The following NAV1 variants were observed in gnomAD, a reference collection of about 807,000 sequenced individuals.
NAV1 encodes neuron navigator 1, also known as pore membrane and/or filament interacting like protein 3.
A neutral mutation model predicts 175.2 loss-of-function variants in NAV1; 18 were observed. The observed-to-expected ratio is 0.10, with a 90% confidence interval of 0.07 to 0.15. The LOEUF (loss-of-function observed/expected upper bound fraction) is 0.15, where lower values mean the gene tolerates loss of function less well. Ranked by LOEUF, NAV1 falls within the 10% of genes least tolerant of loss-of-function variation. The probability of loss-of-function intolerance (pLI) is 1.00; values close to 1 mark genes in which losing one functional copy is unlikely to be tolerated. For missense variants in NAV1, 1,731 were observed against 2,436.6 expected (o/e 0.71, Z 6.10); for synonymous variants, 897 against 978.7 (o/e 0.92, Z 1.56).
At position 201,812,664 on chromosome 1, in the gene NAV1, ACTGGGGTCCAGCTTCCC is replaced by A; in HGVS notation, c.5221+5_5221+21del. On this transcript the variant is annotated splice_donor_5th_base_variant and intron_variant, in intron 27 of 29. Transcript: ENST00000367296. This position sits in a 1 kb window ranked among gnomAD's most constrained non-coding sequence, Gnocchi z 4.6. Reference sequence around the variant, plus strand: ...CAGCACCTCAGACTTCCTCATCGGTACTGGGGTCCAGCTTCCCCCGGGGGTCAGGAGGTGGCTTCCCT... The same window carrying A: ...CAGCACCTCAGACTTCCTCATCGGTACCGGGGGTCAGGAGGTGGCTTCCCT... The A allele has an allele frequency of 6.2e-7, 1 of 1,611,830 alleles. No homozygotes were observed. The highest frequency in any genetic ancestry group is 8.5e-7 in the Non-Finnish European group (1 of 1,178,954).
chr1:201,547,020 C>T (rs1665694653), intron 1 of NAV1, among the ~76,000 whole-genome samples: 1 of 147,098 alleles, frequency 6.8e-6, no homozygotes, highest in African/African-American at 2.5e-5. Context: ...GAGTTTCGCT[C>T]TTGTTGCCCA....
intron 1 of NAV1, among the ~76,000 whole-genome samples, chr1:201,666,352 C>CAA (rs59540541): frequency 4.8e-5 from 7 of 144,658 alleles, no homozygotes; most frequent in African/African-American, 1.0e-4. Context: ...TCCCTCCTTA[C>CAA]AAAAAAAAAA....
At chr1:201,652,114 G>T (rs1449518320) in intron 1 of NAV1, among the ~76,000 whole-genome samples, 1 of 152,000 alleles carries the variant, frequency 6.6e-6, no homozygotes, top group African/African-American at 2.4e-5. Context: ...GGAGAAGAAT[G>T]GTGACTTGAT....
intron 3 of NAV1, among the ~76,000 whole-genome samples, chr1:201,734,793 C>A (rs1450663720): frequency 6.6e-6 from 1 of 152,082 alleles, no homozygotes; most frequent in Non-Finnish European, 1.5e-5. Context: ...AGCCCCTCTC[C>A]CCTACCCCTT....
At chr1:201,781,235 A>G in exon 5 of NAV1, 1 of 1,613,982 alleles carries the variant, frequency 6.2e-7, no homozygotes, top group Non-Finnish European at 8.5e-7. Flanking sequence ...GGTTCCCTGA[A>G]GAAGGGCAAG....
At position 201,718,814 on chromosome 1, in the gene NAV1, G is replaced by A. The variant is rs1291729529; in HGVS notation, c.1226+59G>A. 8.4e-6 allele frequency: 13 copies of A among 1,547,250 alleles called. No homozygotes were observed. In the South Asian group the frequency reaches 1.4e-4, roughly 16 times the overall value. On this transcript the variant is annotated intron_variant, in intron 3 of 29. Coordinates refer to ENST00000367296, the Ensembl canonical transcript of NAV1. The surrounding 1 kb of genome is among the most constrained non-coding windows in gnomAD (Gnocchi z 4.8). ...GATGGTGGAAAGACCACTGGGATGCGACGCCTTAAAAGTGGAGTGGAACCC... is the reference window on the plus strand; with the variant it reads ...GATGGTGGAAAGACCACTGGGATGCAACGCCTTAAAAGTGGAGTGGAACCC...
intron 2 of NAV1, among the ~76,000 whole-genome samples, chr1:201,589,381 T>C (rs1667126217): frequency 6.6e-6 from 1 of 152,204 alleles, no homozygotes; most frequent in African/African-American, 2.4e-5. Context: ...ATCCATAAAA[T>C]GGGGATAGTA....
intron 1 of NAV1, among the ~76,000 whole-genome samples, chr1:201,543,808 A>G (rs1665587148): frequency 6.6e-6 from 1 of 152,210 alleles, no homozygotes; most frequent in African/African-American, 2.4e-5. Flanking sequence ...CTCTGTACTC[A>G]TTAAAGAGTA....
Position 201,677,267 on chromosome 1 carries a change from A to AAG in NAV1, c.757+27843_757+27844insGA, listed in dbSNP as rs748542389. Among the ~76,000 whole-genome samples, 1,200 of 151,394 alleles carry AAG rather than the reference A, an allele frequency of 7.9e-3. 8 individuals are homozygous for AAG. Among genetic ancestry groups the AAG allele is most frequent in the Non-Finnish European group, 0.013 (873 of 67,768 alleles). On this transcript the variant is annotated intron_variant, in intron 1 of 29. Coordinates refer to ENST00000367296, the Ensembl canonical transcript of NAV1. The stretch of plus-strand genomic sequence containing the variant: ...CTCCATCTCAAAAAAAAAAAAAAAA[A>AAG]AAGAATTGCTGGCGGCTGGCATCCT...
chr1:201,648,869 C>G lies in NAV1; in HGVS notation c.201C>G (p.Phe67Leu), dbSNP rs377597352. ...CCAGCGCGGCTGAGCTGAAGGTCTT[C>G]AAGTCCGGCAGCGTGGACAGCCGTG... Residue 67 changes from phenylalanine (F) to leucine (L), a missense_variant, in exon 1 of 30, where the codon TTC becomes TTG. Around this residue, in one of 13 missense-constraint regions of NAV1, gnomAD observed 487 missense variants for 581.3 expected, o/e 0.84. Coordinates refer to ENST00000367296, the Ensembl canonical transcript of NAV1. 307 of 1,612,210 alleles carry G rather than the reference C, an allele frequency of 1.9e-4. No individual in the cohort carries two copies. Among genetic ancestry groups the G allele is most frequent in the Non-Finnish European group, 2.5e-4 (294 of 1,179,814 alleles).
intron 15 of NAV1, among the ~76,000 whole-genome samples, chr1:201,801,245 G>A (rs12401827): frequency 0.11 from 16,730 of 152,182 alleles, 1,204 homozygotes; most frequent in East Asian, 0.34. Context: ...TGTAGTTATA[G>A]CATCAGATCC....
chr1:201,716,827 G>C (rs1178262055), intron 2 of NAV1, among the ~76,000 whole-genome samples: 4 of 152,236 alleles, frequency 2.6e-5, no homozygotes, highest in African/African-American at 7.2e-5. Context: ...GCAGTGAGCC[G>C]TGTTTGCACC....
At chr1:201,648,680 C>T in exon 1 of NAV1, 3 of 1,416,854 alleles carry the variant, frequency 2.1e-6, no homozygotes, top group Non-Finnish European at 2.8e-6. Context: ...TGCTGGGCAG[C>T]AGCGTCAAGA....
rs373575817 is a variant in NAV1, at chr1:201,690,745, C to T, written c.758-22072C>T. On this transcript the variant is annotated intron_variant, in intron 1 of 29. Transcript: ENST00000367296. ...TCCGTGGCAGAGTGCTGGCTATTTC[C>T]TCCGTGGCCTGTCCGTGGCAGTGTG... 1.1e-4 allele frequency among the ~76,000 whole-genome samples: 17 copies of T among 151,514 alleles called. No homozygotes were observed. In the East Asian group the frequency reaches 2.0e-3, roughly 17 times the overall value.
At chr1:201,803,827 C>A in intron 16 of NAV1, 113 bp downstream of exon 20, 1 of 1,356,102 alleles carries the variant, frequency 7.4e-7, no homozygotes, top group Non-Finnish European at 1.0e-6. Flanking sequence ...CCGTCTAACA[C>A]TGAGCCCTAG....
chr1:201,725,868 G>A (rs754471792), intron 3 of NAV1, among the ~76,000 whole-genome samples: 16 of 152,068 alleles, frequency 1.1e-4, no homozygotes, highest in Non-Finnish European at 1.8e-4. Flanking sequence ...TGAAGAGGGA[G>A]AATCCCTTGA....
At chr1:201,816,359 G>A (rs941335051) in intron 28 of NAV1, among the ~76,000 whole-genome samples, 8 of 151,990 alleles carry the variant, frequency 5.3e-5, no homozygotes, top group Non-Finnish European at 1.0e-4. Context: ...CAACAAGAGC[G>A]AAACTCCCTC....
At chr1:201,621,186 C>T (rs1429251451), upstream of NAV1, among the ~76,000 whole-genome samples, 1 of 152,128 alleles carries the variant, frequency 6.6e-6, no homozygotes, top group African/African-American at 2.4e-5. Flanking sequence ...TCCCAAAGTG[C>T]TAGGATTACT....
At chr1:201,678,074 G>A (rs1365578615) in intron 1 of NAV1, among the ~76,000 whole-genome samples, 1 of 152,214 alleles carries the variant, frequency 6.6e-6, no homozygotes, top group African/African-American at 2.4e-5. Context: ...ATTACACAGA[G>A]GGAGGCACCA....
Sources: gnomAD v4.1 joint callset for allele counts (sites outside exome capture counted in the v4.1 genomes callset) on GRCh38, gnomAD v4.1.1 for gene constraint, gnomAD v4.1.1 regional missense constraint, Gnocchi (gnomAD v3.1) non-coding constraint, MANE v1.5 for transcripts, NCBI Gene and HGNC (gene_info 2026-07-23, HGNC 2026-07-21) for gene names.